The following COPZ2 variants were observed in gnomAD, a reference collection of about 807,000 sequenced individuals.
The protein encoded by COPZ2 is coatomer subunit zeta-2.
COPZ2 carries 30 observed loss-of-function variants against 33.2 expected under a neutral mutation model. That is an observed-to-expected ratio of 0.90 (90% CI 0.68 to 1.23). COPZ2 has a LOEUF of 1.23. COPZ2 is among the 50% of genes most tolerant of loss of function. COPZ2 has a pLI of 0.00. For synonymous variants in COPZ2, 89 were observed against 102.6 expected (o/e 0.87, Z 0.80); for missense variants, 263 against 262.4 (o/e 1.00, Z -0.02).
At chr17:48,033,331 G>A (rs1290539928) in intron 3 of COPZ2, 29 bp from the exon 4 acceptor site, 1 of 1,385,450 alleles carries the variant, frequency 7.2e-7, no homozygotes, top group Non-Finnish European at 1.0e-6. Context: ...TTCAGTCCTG[G>A]CCACCTTGCC....
the COPZ2 span, chr17:48,047,388 T>G: frequency 6.6e-6 from 1 of 152,192 alleles, no homozygotes; most frequent in Non-Finnish European, 1.5e-5. Flanking sequence ...GGTCATTAAA[T>G]CAGACTCTCC....
intron 6 of COPZ2, among the ~76,000 whole-genome samples, chr17:48,030,266 GAC>G (rs1567740172): frequency 1.3e-5 from 2 of 150,236 alleles, no homozygotes; most frequent in Non-Finnish European, 3.0e-5. Flanking sequence ...CAGCCTGGGC[GAC>G]AGAGTGAGAC....
At chr17:48,032,779 T>C in intron 4 of COPZ2, 38 bp from the exon 5 acceptor site, 3 of 1,534,958 alleles carry the variant, frequency 2.0e-6, no homozygotes, top group African/African-American at 2.7e-5. Flanking sequence ...AAAGGAGAGT[T>C]TGAGATTGAG....
chr17:48,026,214 G>A lies in COPZ2; in HGVS notation c.*214C>T. ...TTATTAGGGCCCTGGGGCCAGGAAT[G>A]CCTAAGATATGAGTTAAGGCCAGGG... On this transcript the variant is annotated 3_prime_UTR_variant, in exon 9 of 9. Coordinates refer to ENST00000621465, the MANE Select transcript of COPZ2 (RefSeq NM_016429.4). The A allele has an allele frequency of 1.8e-6, 1 of 551,588 alleles. No homozygotes were observed. The highest frequency in any genetic ancestry group is 2.6e-5 in the South Asian group (1 of 38,996). The allele number at this position is 551,588 out of a possible 1,614,324, so 34.2% of individuals were successfully genotyped here. A position where few individuals can be genotyped will look rare whatever the true frequency, so the allele number is the denominator to read the frequency against.
chr17:48,029,214 G>A (rs2036857193), intron 6 of COPZ2, 38 bp from the exon 7 acceptor site: 1 of 1,543,160 alleles, frequency 6.5e-7, no homozygotes, highest in Non-Finnish European at 8.8e-7. Context: ...GCAAATCAGT[G>A]GCACAATCCT....
chr17:48,026,670 A>G (rs1296347020), intron 8 of COPZ2, among the ~76,000 whole-genome samples, 195 bp from the exon 9 acceptor site: 1 of 152,244 alleles, frequency 6.6e-6, no homozygotes, highest in Admixed American at 6.5e-5. Flanking sequence ...AACCGGCTGC[A>G]GCCAGCTCCC....
At chr17:48,039,667 G>A (rs2037042398), upstream of COPZ2, among the ~76,000 whole-genome samples, 1 of 152,044 alleles carries the variant, frequency 6.6e-6, no homozygotes, top group Non-Finnish European at 1.5e-5. Context: ...GCCTTTACTA[G>A]TTTGTTTATA....
upstream of COPZ2, among the ~76,000 whole-genome samples, chr17:48,040,525 C>T (rs1030771565): frequency 4.6e-5 from 7 of 150,850 alleles, no homozygotes; most frequent in South Asian, 2.1e-4. Flanking sequence ...CTCCGCCTCA[C>T]GGGTTCCAGT....
rs1167467540 is a variant in COPZ2, at chr17:48,026,417, A to G, written c.*11T>C. ...TGATCTGGGGGGCAGGGAGCCTTGAATCCACAGCCTTCATTTCAATAACGA... is the reference window on the plus strand; with the variant it reads ...TGATCTGGGGGGCAGGGAGCCTTGAGTCCACAGCCTTCATTTCAATAACGA... On this transcript the variant is annotated 3_prime_UTR_variant, in exon 9 of 9. Transcript: ENST00000621465. 6.2e-7 allele frequency: 1 copy of G among 1,611,142 alleles called. No homozygotes were observed. Among genetic ancestry groups the G allele is most frequent in the Admixed American group, 1.7e-5 (1 of 60,002 alleles).
At chr17:48,030,333 GAAAC>G (rs949343451) in intron 6 of COPZ2, among the ~76,000 whole-genome samples, 9 of 90,634 alleles carry the variant, frequency 9.9e-5, no homozygotes, top group Non-Finnish European at 2.2e-4. Flanking sequence ...CACACACAAA[GAAAC>G]AAACAAAAAA....
At position 48,033,205 on chromosome 17, in the gene COPZ2, A is replaced by G; in HGVS notation, c.360+6T>C. 1 of 1,590,950 alleles carries G rather than the reference A, an allele frequency of 6.3e-7. No individual in the cohort carries two copies. Among genetic ancestry groups the G allele is most frequent in the Non-Finnish European group, 8.6e-7 (1 of 1,160,058 alleles). ...CCTTCTTACTGCCCCAACCTCCTGA[A>G]TTCACCTCATTCTCGTAGGATGAGC... On this transcript the variant is annotated splice_donor_region_variant and intron_variant, in intron 4 of 8. Coordinates refer to ENST00000621465, the MANE Select transcript of COPZ2 (RefSeq NM_016429.4).
At position 48,026,462 on chromosome 17, in the gene COPZ2, G is replaced by T; in HGVS notation, c.599C>A (p.Ala200Asp). The change falls in exon 9 of 9, where the codon GCC (alanine) becomes GAC (aspartate). Residue 200 changes from alanine (A) to aspartate (D), a missense_variant. Coordinates refer to ENST00000621465, the MANE Select transcript of COPZ2 (RefSeq NM_016429.4). The part of the protein sequence containing the change: ...EQSVAQVLQS[A>D]KEQIKWSLLK ...TAACGACCATTTAATTTGTTCCTTG[G>T]CAGACTGAAGAACCTGGGGTGGGGT... 8 of 1,612,812 alleles carry T rather than the reference G, an allele frequency of 5.0e-6. No homozygotes were observed. Among genetic ancestry groups the T allele is most frequent in the Non-Finnish European group, 6.8e-6 (8 of 1,178,968 alleles).
intron 2 of COPZ2, 59 bp downstream of exon 2, chr17:48,036,792 G>C: frequency 6.6e-7 from 1 of 1,517,384 alleles, no homozygotes; most frequent in Non-Finnish European, 9.1e-7. Flanking sequence ...AGTTTCTCCT[G>C]AGACAGGAGT....
the COPZ2 span, chr17:48,047,226 T>C: frequency 6.6e-6 from 1 of 152,214 alleles, no homozygotes; most frequent in Admixed American, 6.5e-5. Flanking sequence ...TAATGGGCTC[T>C]TCTAAGAAGA....
chr17:48,035,702 G>T (rs962682056), intron 2 of COPZ2, among the ~76,000 whole-genome samples: 1 of 151,728 alleles, frequency 6.6e-6, no homozygotes, highest in Non-Finnish European at 1.5e-5. Flanking sequence ...GGGATTACAG[G>T]CATCAGCCAC....
In COPZ2 at chr17:48,032,718, G is replaced by T; in HGVS notation, c.384C>A (p.Thr128=). 1 of 1,594,104 alleles carries T rather than the reference G, an allele frequency of 6.3e-7. No homozygotes were observed. Among genetic ancestry groups the T allele is most frequent in the Non-Finnish European group, 8.5e-7 (1 of 1,170,298 alleles). The part of the protein sequence containing the change: ...ENELMLMSVL[T]CLFESLNHML... Reference sequence around the variant, plus strand: ...TGTGGTTCAGAGACTCAAACAGGCAGGTGAGAACAGACATGAGCATCAGCT... The same window carrying T: ...TGTGGTTCAGAGACTCAAACAGGCATGTGAGAACAGACATGAGCATCAGCT... The change falls in exon 5 of 9, where the codon ACC becomes ACA. Residue 128 remains threonine, a synonymous_variant. Coordinates refer to ENST00000621465, the MANE Select transcript of COPZ2 (RefSeq NM_016429.4).
At chr17:48,034,239 G>A (rs886582058) in intron 2 of COPZ2, among the ~76,000 whole-genome samples, 2 of 152,224 alleles carry the variant, frequency 1.3e-5, no homozygotes, top group Non-Finnish European at 2.9e-5. Context: ...CTCCTGAGTA[G>A]CTGGGATTAC....
At position 48,029,241 on chromosome 17, in the gene COPZ2, C is replaced by T. The variant is rs2036857921; in HGVS notation, c.495-65G>A. 11 of 1,434,572 alleles carry T rather than the reference C, an allele frequency of 7.7e-6. No individual in the cohort carries two copies. In the South Asian group the frequency reaches 1.2e-4, roughly 16 times the overall value. 88.9% of individuals were successfully genotyped at this position (1,434,572 alleles called of 1,614,324 possible). A position where few individuals can be genotyped will look rare whatever the true frequency, so the allele number is the denominator to read the frequency against. ...CACAATCCTCCCCTCCGCCCCTTCT[C>T]CTTGCCAAGCCTCTTCCCTCTCCGA... On this transcript the variant is annotated intron_variant, in intron 6 of 8. Coordinates refer to ENST00000621465, the MANE Select transcript of COPZ2 (RefSeq NM_016429.4).
intron 7 of COPZ2, 121 bp downstream of exon 7, chr17:48,029,004 G>T: frequency 1.2e-6 from 1 of 842,322 alleles, no homozygotes; most frequent in Non-Finnish European, 1.9e-6. Context: ...AAGTGTGTCA[G>T]CCCAGTGGTT....
Sources: allele counts gnomAD v4.1 joint callset (sites outside exome capture counted in the v4.1 genomes callset), GRCh38; gene constraint gnomAD v4.1.1; transcripts MANE v1.5; gene names NCBI Gene and HGNC (gene_info 2026-07-23, HGNC 2026-07-21).